The following FGD2 variants were observed in gnomAD, a reference collection of about 807,000 sequenced individuals.
FGD2 encodes FYVE, RhoGEF and PH domain containing 2.
FGD2 carries 52 observed loss-of-function variants against 75.9 expected under a neutral mutation model. The observed-to-expected ratio is 0.69, with a 90% CI of 0.55 to 0.86. The LOEUF (loss-of-function observed/expected upper bound fraction) is 0.86, where lower values mean the gene tolerates loss of function less well. FGD2 is among the 40% of genes least tolerant of loss of function. The pLI is 0.00. For missense variants in FGD2, 790 were observed against 872.0 expected, an observed-to-expected ratio of 0.91 and a Z score of 1.18; for synonymous variants, 347 against 348.6, an observed-to-expected ratio of 1.00 and a Z score of 0.05.
intron 13 of FGD2, chr6:37,023,834 G>A (rs1467484828): frequency 6.6e-6 from 1 of 152,204 alleles, no homozygotes; most frequent in Non-Finnish European, 1.5e-5. Flanking sequence ...AGTGAAAGTA[G>A]TTCTTTAAAA....
Position 37,011,069 on chromosome 6 carries a change from C to A in FGD2, c.378+19C>A, listed in dbSNP as rs746339169. On this transcript the variant is annotated intron_variant, in intron 3 of 15. Coordinates refer to ENST00000274963, the MANE Select transcript of FGD2 (RefSeq NM_173558.4). ...AGACCAGGCCAGTGACCAGGACACCCCCCTCTAGAGCCCCAGCCCTGGGTC... is the reference window on the plus strand; with the variant it reads ...AGACCAGGCCAGTGACCAGGACACCACCCTCTAGAGCCCCAGCCCTGGGTC... The A allele has an allele frequency of 2.6e-5, 42 of 1,612,962 alleles. No homozygotes were observed. Among genetic ancestry groups the A allele is most frequent in the Admixed American group, 1.5e-4 (9 of 60,012 alleles).
intron 9 of FGD2, among the ~76,000 whole-genome samples, chr6:37,016,080 C>T (rs1765273053): frequency 1.3e-5 from 2 of 152,154 alleles, no homozygotes; most frequent in Admixed American, 1.3e-4. Flanking sequence ...CCCTTCGCGG[C>T]AGTGCATGAG....
intron 1 of FGD2, among the ~76,000 whole-genome samples, chr6:37,008,304 G>C (rs910302270): frequency 6.6e-6 from 1 of 152,172 alleles, no homozygotes; most frequent in Non-Finnish European, 1.5e-5. Context: ...GGTGACCTAC[G>C]AAGGCCCGTC....
intron 9 of FGD2, among the ~76,000 whole-genome samples, chr6:37,019,841 T>TTTCC (rs1765482315): frequency 9.0e-6 from 1 of 110,826 alleles, no homozygotes; most frequent in Admixed American, 1.0e-4. Flanking sequence ...TTTCTTCTTC[T>TTTCC]TTTCTTTTCT....
intron 13 of FGD2, chr6:37,023,520 T>C (rs1352476183): frequency 6.6e-6 from 1 of 152,238 alleles, no homozygotes; most frequent in Non-Finnish European, 1.5e-5. Flanking sequence ...CTGTTCTCTG[T>C]TGACATCACA....
At chr6:37,016,534 ATTTTT>A (rs59713417) in intron 9 of FGD2, among the ~76,000 whole-genome samples, 1 of 136,772 alleles carries the variant, frequency 7.3e-6, no homozygotes, top group Non-Finnish European at 1.6e-5. Context: ...AATCTTCTGG[ATTTTT>A]TTTTTTTTTT....
In FGD2 at chr6:37,013,938, G is replaced by T. The variant is rs746828814; in HGVS notation, c.685-24G>T. ...ACCTCCCTTCTCTCACCCTCTCCGT[G>T]TTGCTCCCCCATCCCTCCCCAAGAG... On this transcript the variant is annotated intron_variant, in intron 5 of 15. Transcript: ENST00000274963. 5.0e-6 allele frequency: 8 copies of T among 1,609,788 alleles called. No homozygotes were observed. The Admixed American group carries it at 1.3e-4, about 27-fold the overall frequency.
At chr6:37,015,415 A>C (rs563562060) in intron 8 of FGD2, among the ~76,000 whole-genome samples, 1 of 152,276 alleles carries the variant, frequency 6.6e-6, no homozygotes, top group Admixed American at 6.5e-5. Context: ...ATCTCCTGAC[A>C]CCTGGAAAGG....
At chr6:37,026,336 T>C (rs1765820908) in intron 14 of FGD2, 2 of 985,392 alleles carry the variant, frequency 2.0e-6, no homozygotes, top group Non-Finnish European at 2.4e-6. Flanking sequence ...GTCAGACAGA[T>C]TGGAGACTCC....
chr6:37,014,812 C>G (rs1765198060), intron 7 of FGD2, 80 bp from the exon 8 acceptor site: 2 of 1,608,898 alleles, frequency 1.2e-6, no homozygotes, highest in East Asian at 2.2e-5. Context: ...ACCCCCCAGT[C>G]CCCGTCCCCA....
intron 9 of FGD2, among the ~76,000 whole-genome samples, chr6:37,016,245 C>T (rs62406536): frequency 0.053 from 8,055 of 152,274 alleles, 281 homozygotes; most frequent in Middle Eastern, 0.12. Flanking sequence ...TTCTAACCAG[C>T]TCCCAGTTAA....
At chr6:37,017,666 G>A (rs1765364989) in intron 9 of FGD2, among the ~76,000 whole-genome samples, 1 of 152,146 alleles carries the variant, frequency 6.6e-6, no homozygotes, top group South Asian at 2.1e-4. Context: ...GGTCTGGTCT[G>A]GCCCATCTTG....
chr6:37,015,335 G>T (rs761359965), intron 8 of FGD2, among the ~76,000 whole-genome samples: 1 of 152,188 alleles, frequency 6.6e-6, no homozygotes, highest in African/African-American at 2.4e-5. Context: ...TCTAGAGAGC[G>T]CACAGCAGGA....
intron 6 of FGD2, 177 bp downstream of exon 6, chr6:37,014,277 C>T (rs570250171): frequency 1.3e-6 from 1 of 797,448 alleles, no homozygotes; most frequent in African/African-American, 1.7e-5. Context: ...CACTAAGGCC[C>T]AGAGAGGTTT....
At chr6:37,011,680 T>C in intron 3 of FGD2, 26 bp from the exon 4 acceptor site, 1 of 1,613,012 alleles carries the variant, frequency 6.2e-7, no homozygotes, top group Non-Finnish European at 8.5e-7. Flanking sequence ...GTCACTGCAG[T>C]GAGTGACCTG....
intron 1 of FGD2, among the ~76,000 whole-genome samples, chr6:37,008,540 T>A (rs1280582184): frequency 6.6e-6 from 1 of 152,132 alleles, no homozygotes; most frequent in Non-Finnish European, 1.5e-5. Context: ...CAAAAACCCC[T>A]ATATACAGAA....
In FGD2 at chr6:37,014,918, G is replaced by A. The variant is rs1160090489; in HGVS notation, c.909G>A (p.Val303=). The part of the protein sequence containing the change: ...EMERLQDLWE[V]YQRLGLEDDI... ...AGCGGCTGCAGGACCTGTGGGAGGT[G>A]TACCAGCGCCTGGGCCTCGAGGACG... Residue 303 remains valine, a synonymous_variant, in exon 8 of 16, where the codon GTG becomes GTA. Transcript: ENST00000274963. The A allele has an allele frequency of 6.2e-7, 1 of 1,614,088 alleles. No individual in the cohort carries two copies. Among genetic ancestry groups the A allele is most frequent in the Admixed American group, 1.7e-5 (1 of 60,012 alleles).
intron 13 of FGD2, chr6:37,023,152 T>C (rs1765673825): frequency 6.4e-6 from 1 of 155,244 alleles, no homozygotes; most frequent in South Asian, 2.0e-4. Flanking sequence ...ATCCTCTCTT[T>C]ACCCGCTTCG....
intron 14 of FGD2, among the ~76,000 whole-genome samples, chr6:37,027,171 G>C (rs927959503): frequency 1.3e-5 from 2 of 152,152 alleles, no homozygotes; most frequent in Admixed American, 6.5e-5. Flanking sequence ...GCAGCTCCAG[G>C]CACCCTCCCG....
Sources: allele counts gnomAD v4.1 joint callset (sites outside exome capture counted in the v4.1 genomes callset), GRCh38; gene constraint gnomAD v4.1.1; transcripts MANE v1.5; gene names NCBI Gene and HGNC (gene_info 2026-07-23, HGNC 2026-07-21).